The following PCDH15 variants were observed in gnomAD, a reference collection of about 807,000 sequenced individuals.
PCDH15 encodes the protein protocadherin related 15.
Under a neutral mutation model 178.5 loss-of-function variants are expected in PCDH15, and 129 were observed. The observed-to-expected ratio is 0.72, with a 90% confidence interval of 0.63 to 0.84. PCDH15 has a LOEUF of 0.84. PCDH15 is among the 40% of genes least tolerant of loss of function. The pLI is 0.00. For synonymous variants in PCDH15, 800 were observed against 732.0 expected (o/e 1.09, Z -1.50); for missense variants, 2,230 against 2,099.9 (o/e 1.06, Z -1.21).
At chr10:54,130,983 C>T (rs2042389761) in intron 15 of PCDH15, among the ~76,000 whole-genome samples, 1 of 152,158 alleles carries the variant, frequency 6.6e-6, no homozygotes. Context: ...CTTGTTCTTT[C>T]TAATAGAGAC....
intron 5 of PCDH15, among the ~76,000 whole-genome samples, chr10:54,363,509 C>G (rs1946360742): frequency 6.6e-6 from 1 of 152,266 alleles, no homozygotes. Flanking sequence ...CCAGCACCAG[C>G]ATCACTGTAT....
intron 1 of PCDH15, among the ~76,000 whole-genome samples, chr10:55,295,272 T>A (rs932419743): frequency 6.6e-6 from 1 of 152,202 alleles, no homozygotes; most frequent in Non-Finnish European, 1.5e-5. Context: ...TAAAAATACA[T>A]CAAAAGCAAA....
chr10:54,543,169 G>C (rs2085455575), intron 2 of PCDH15, among the ~76,000 whole-genome samples: 1 of 152,162 alleles, frequency 6.6e-6, no homozygotes, highest in Non-Finnish European at 1.5e-5. Flanking sequence ...TCCCCCATTG[G>C]CTGAGAGCTA....
At chr10:54,568,416 T>C (rs1223159008) in intron 2 of PCDH15, 1 of 152,146 alleles carries the variant, frequency 6.6e-6, no homozygotes, top group African/African-American at 2.4e-5. Flanking sequence ...TATTACATCT[T>C]CATTTGTTTA....
At chr10:53,866,591 C>T (rs909338491) in intron 27 of PCDH15, 51 bp downstream of exon 27, 2 of 1,354,428 alleles carry the variant, frequency 1.5e-6, no homozygotes, top group Admixed American at 1.7e-5. Context: ...AAACACTGAC[C>T]TATGGCTAGT....
intron 3 of PCDH15, among the ~76,000 whole-genome samples, chr10:54,822,138 C>T (rs958495492): frequency 6.6e-6 from 1 of 152,244 alleles, no homozygotes; most frequent in East Asian, 1.9e-4. Context: ...TCATCTAAAA[C>T]ATTTATTATT....
chr10:55,478,650 T>C (rs1490815135), intron 2 of PCDH15, among the ~76,000 whole-genome samples: 3 of 149,452 alleles, frequency 2.0e-5, no homozygotes, highest in Admixed American at 6.7e-5. Flanking sequence ...TAATAAAGAT[T>C]AGAGAAGAAA....
chr10:55,460,042 C>T (rs1478862608), intron 2 of PCDH15, among the ~76,000 whole-genome samples: 2 of 151,838 alleles, frequency 1.3e-5, no homozygotes, highest in Non-Finnish European at 2.9e-5. Context: ...AACAGAACCC[C>T]ACAGAACAAA....
At chr10:54,436,074 G>A (rs1294579305) in intron 3 of PCDH15, among the ~76,000 whole-genome samples, 34 of 137,714 alleles carry the variant, frequency 2.5e-4, no homozygotes, top group South Asian at 4.5e-4. Context: ...AAAGAAAGAA[G>A]GAAGGAAGGA....
At chr10:54,941,762 C>T (rs1838069592) in intron 2 of PCDH15, among the ~76,000 whole-genome samples, 1 of 151,920 alleles carries the variant, frequency 6.6e-6, no homozygotes, top group Non-Finnish European at 1.5e-5. Context: ...TTGTTATGTT[C>T]TTGTTTATAG....
intron 18 of PCDH15, among the ~76,000 whole-genome samples, chr10:54,045,459 G>C (rs1387668933): frequency 6.6e-6 from 1 of 152,054 alleles, no homozygotes; most frequent in African/African-American, 2.4e-5. Context: ...TGATGAAAAA[G>C]ATGAGAGAGC....
At chr10:54,978,665 T>C (rs1232367509) in intron 2 of PCDH15, among the ~76,000 whole-genome samples, 1 of 152,178 alleles carries the variant, frequency 6.6e-6, no homozygotes, top group Non-Finnish European at 1.5e-5. Context: ...ATAGATACTG[T>C]AATCAATGGA....
intron 2 of PCDH15, among the ~76,000 whole-genome samples, chr10:54,615,694 GAC>G (rs1190689177): frequency 1.9e-5 from 1 of 53,340 alleles, no homozygotes; most frequent in Non-Finnish European, 4.0e-5. Context: ...GACAAAATAA[GAC>G]ACATACAAAT....
chr10:54,365,504 A>G (rs1178139924), intron 5 of PCDH15, among the ~76,000 whole-genome samples: 1 of 152,106 alleles, frequency 6.6e-6, no homozygotes, highest in Non-Finnish European at 1.5e-5. Context: ...AAAACCAGAC[A>G]TATATAAGCT....
chr10:55,399,328 T>G (rs921514864), intron 2 of PCDH15, among the ~76,000 whole-genome samples: 1 of 152,216 alleles, frequency 6.6e-6, no homozygotes, highest in African/African-American at 2.4e-5. Flanking sequence ...CATTGGAAAA[T>G]ATTCTGCCAC....
intron 3 of PCDH15, among the ~76,000 whole-genome samples, chr10:54,522,782 G>A (rs2083008005): frequency 6.6e-6 from 1 of 152,164 alleles, no homozygotes; most frequent in Non-Finnish European, 1.5e-5. Flanking sequence ...ACAAAATTAT[G>A]TATTGGGCAT....
intron 5 of PCDH15, among the ~76,000 whole-genome samples, chr10:54,363,381 C>A (rs1233811689): frequency 6.6e-6 from 1 of 151,976 alleles, no homozygotes; most frequent in African/African-American, 2.4e-5. Context: ...CTTCATTGAA[C>A]CTTGTGAGGC....
chr10:54,303,334 A>G (rs1266849042), intron 8 of PCDH15, among the ~76,000 whole-genome samples: 1 of 152,090 alleles, frequency 6.6e-6, no homozygotes, highest in African/African-American at 2.4e-5. Context: ...TATATGTCCT[A>G]AGAGGGTTCC....
chr10:54,950,251 T>G (rs1045047145), intron 2 of PCDH15, among the ~76,000 whole-genome samples: 2 of 151,968 alleles, frequency 1.3e-5, no homozygotes, highest in African/African-American at 4.8e-5. Context: ...GCAAGGCATC[T>G]TCTTCACAAG....
Sources: allele counts gnomAD v4.1 joint callset (sites outside exome capture counted in the v4.1 genomes callset), GRCh38; gene constraint gnomAD v4.1.1; transcripts MANE v1.5; gene names NCBI Gene and HGNC (gene_info 2026-07-23, HGNC 2026-07-21).